Variants in ARHGEF10 observed in about 807,000 individuals in gnomAD.
ARHGEF10 encodes Rho guanine nucleotide exchange factor (GEF) 10.
Under a neutral mutation model 147.4 loss-of-function variants are expected in ARHGEF10, and 140 were observed. That is an observed-to-expected ratio of 0.95 (90% confidence interval 0.83 to 1.09). ARHGEF10 has a LOEUF of 1.09. ARHGEF10 is among the 50% of genes least tolerant of loss of function. The pLI is 0.00. For missense variants in ARHGEF10, 2,222 were observed against 1,752.7 expected, an observed-to-expected ratio of 1.27 and a Z score of -4.78; for synonymous variants, 902 against 695.8, an observed-to-expected ratio of 1.30 and a Z score of -4.67.
intron 2 of ARHGEF10, among the ~76,000 whole-genome samples, chr8:1,848,698 C>T (rs564466080): frequency 6.6e-6 from 1 of 151,996 alleles, no homozygotes; most frequent in Admixed American, 6.5e-5. Context: ...AGACAAGTCA[C>T]GAAAAAGAAA....
At chr8:1,909,264 T>G in intron 17 of ARHGEF10, 31 bp from the exon 18 acceptor site, 1 of 1,614,164 alleles carries the variant, frequency 6.2e-7, no homozygotes, top group African/African-American at 1.3e-5. Flanking sequence ...ATGTAATTAT[T>G]CGTAAAACAA....
intron 26 of ARHGEF10, 72 bp downstream of exon 26, chr8:1,934,014 C>A: frequency 6.3e-7 from 1 of 1,595,758 alleles, no homozygotes; most frequent in Non-Finnish European, 8.6e-7. Context: ...CTTCTGGTGC[C>A]GAAGTCAAGG....
At chr8:1,903,043 G>A (rs1251612462) in intron 15 of ARHGEF10, among the ~76,000 whole-genome samples, 2 of 152,150 alleles carry the variant, frequency 1.3e-5, no homozygotes, top group Non-Finnish European at 2.9e-5. Flanking sequence ...TATTTAGCGT[G>A]TCCTTTATTG....
At chr8:1,842,453 C>T (rs888944775) in intron 1 of ARHGEF10, among the ~76,000 whole-genome samples, 4 of 152,182 alleles carry the variant, frequency 2.6e-5, no homozygotes, top group African/African-American at 9.6e-5. Flanking sequence ...TTGAATAGTA[C>T]GTGAGGCCGG....
intron 18 of ARHGEF10, among the ~76,000 whole-genome samples, chr8:1,909,799 G>C (rs1309509658): frequency 6.6e-6 from 1 of 152,180 alleles, no homozygotes; most frequent in Non-Finnish European, 1.5e-5. Flanking sequence ...GGCAGTGCTG[G>C]TCTCTTGAGT....
chr8:1,936,965 C>A (rs556592264), intron 26 of ARHGEF10, among the ~76,000 whole-genome samples: 2 of 152,240 alleles, frequency 1.3e-5, no homozygotes, highest in East Asian at 1.9e-4. Context: ...GAGGTCCACA[C>A]TGGGGCAAGG....
chr8:1,927,996 C>G (rs1034648874), intron 23 of ARHGEF10, among the ~76,000 whole-genome samples: 2 of 152,088 alleles, frequency 1.3e-5, no homozygotes, highest in Admixed American at 6.5e-5. Flanking sequence ...TTCCAATGAG[C>G]TACTTGGGAT....
intron 11 of ARHGEF10, among the ~76,000 whole-genome samples, chr8:1,892,250 G>A (rs1439031033): frequency 2.7e-5 from 4 of 148,938 alleles, no homozygotes; most frequent in Non-Finnish European, 4.4e-5. Context: ...GTCAGTAGCA[G>A]CAGCTGCAGC....
chr8:1,838,838 T>C (rs1248378184), intron 1 of ARHGEF10, among the ~76,000 whole-genome samples: 1 of 152,088 alleles, frequency 6.6e-6, no homozygotes, highest in South Asian at 2.1e-4. Context: ...GGTTGCTGTC[T>C]GGCATGGAAG....
At chr8:1,944,510 A>G (rs2129272604) in intron 26 of ARHGEF10, among the ~76,000 whole-genome samples, 1 of 152,340 alleles carries the variant, frequency 6.6e-6, no homozygotes, top group South Asian at 2.1e-4. Flanking sequence ...GTTTGGTGCC[A>G]CGGGGCATGT....
intron 18 of ARHGEF10, among the ~76,000 whole-genome samples, chr8:1,918,818 G>T (rs1410235257): frequency 6.6e-6 from 1 of 152,160 alleles, no homozygotes; most frequent in Non-Finnish European, 1.5e-5. Context: ...AGCTGCCTCT[G>T]TGGGTGATGG....
At chr8:1,869,873 G>C (rs989359381) in intron 7 of ARHGEF10, 1 of 165,262 alleles carries the variant, frequency 6.1e-6, no homozygotes, top group Non-Finnish European at 1.3e-5. Context: ...TTTAACCTGA[G>C]CGGCCACGTC....
At position 1,898,372 on chromosome 8, in the gene ARHGEF10, C is replaced by T; in HGVS notation, c.1558-61C>T. ...TCAGTGTGGTGGGGAGGAGGCGGCC[C>T]CAGGGGCAGGGAGGGCATGGCAGCC... On this transcript the variant is annotated intron_variant, in intron 14 of 28. Transcript: ENST00000349830. 2.7e-6 allele frequency: 4 copies of T among 1,494,968 alleles called. No individual in the cohort carries two copies. In the Admixed American group the frequency reaches 5.1e-5, roughly 19 times the overall value. 92.6% of individuals were successfully genotyped at this position (1,494,968 alleles called of 1,614,324 possible).
At chr8:1,853,825 T>G (rs1322126541) in intron 2 of ARHGEF10, among the ~76,000 whole-genome samples, 1 of 151,792 alleles carries the variant, frequency 6.6e-6, no homozygotes, top group East Asian at 2.0e-4. Context: ...CTCCCGGGAG[T>G]TCCTGCAGCT....
intron 4 of ARHGEF10, among the ~76,000 whole-genome samples, chr8:1,861,677 A>T (rs1806144427): frequency 6.6e-6 from 1 of 152,170 alleles, no homozygotes; most frequent in Non-Finnish European, 1.5e-5. Context: ...GGATTTTGGG[A>T]AACACAGAGG....
intron 1 of ARHGEF10, among the ~76,000 whole-genome samples, chr8:1,826,400 TTGTGTGTGTGC>T (rs1332557356): frequency 3.3e-5 from 5 of 151,412 alleles, no homozygotes; most frequent in South Asian, 2.1e-4. Context: ...GTGCGTGTGT[TTGTGTGTGTGC>T]TGTGTGTGTG....
At chr8:1,879,575 C>T (rs547031897) in intron 8 of ARHGEF10, among the ~76,000 whole-genome samples, 3 of 148,764 alleles carry the variant, frequency 2.0e-5, no homozygotes, top group South Asian at 2.1e-4. Context: ...TTTTTGGAGA[C>T]AGGGTCTTAC....
At chr8:1,955,995 C>T (rs907818743) in intron 28 of ARHGEF10, among the ~76,000 whole-genome samples, 4 of 152,212 alleles carry the variant, frequency 2.6e-5, no homozygotes, top group Admixed American at 6.5e-5. Context: ...TGTCATTTGC[C>T]TTGGCCAGAG....
intron 4 of ARHGEF10, among the ~76,000 whole-genome samples, chr8:1,861,501 G>T (rs183502702): frequency 6.6e-6 from 1 of 152,162 alleles, no homozygotes; most frequent in South Asian, 2.1e-4. Flanking sequence ...CCAGGAACGC[G>T]CTGCAGGATT....
Sources: allele counts gnomAD v4.1 joint callset (sites outside exome capture counted in the v4.1 genomes callset), GRCh38; gene constraint gnomAD v4.1.1; transcripts MANE v1.5; gene names NCBI Gene and HGNC (gene_info 2026-07-23, HGNC 2026-07-21).